CRTAP: variants seen among roughly 807,000 people sequenced by gnomAD.
CRTAP encodes cartilage-associated protein.
A neutral mutation model predicts 42.7 loss-of-function variants in CRTAP; 33 were observed. That is an observed-to-expected ratio of 0.77 (90% CI 0.59 to 1.03). CRTAP has a LOEUF of 1.03. CRTAP is among the 50% of genes least tolerant of loss of function. The pLI is 0.00. For missense variants in CRTAP, 613 were observed against 533.9 expected, an observed-to-expected ratio of 1.15 and a Z score of -1.46; for synonymous variants, 243 against 217.7, an observed-to-expected ratio of 1.12 and a Z score of -1.02.
At chr3:33,125,486 A>G (rs990043819) in intron 3 of CRTAP, among the ~76,000 whole-genome samples, 5 of 111,462 alleles carry the variant, frequency 4.5e-5, no homozygotes, top group Non-Finnish European at 9.2e-5. Flanking sequence ...CTTTCTACAA[A>G]GTAGGTTTTT....
At position 33,114,241 on chromosome 3, in the gene CRTAP, A is replaced by T; in HGVS notation, c.164A>T (p.Tyr55Phe). The change falls in exon 1 of 7, where the codon TAC (tyrosine) becomes TTC (phenylalanine). Residue 55 changes from tyrosine (Y) to phenylalanine (F), a missense_variant. By Grantham distance (22) the Tyr-to-Phe change is conservative. Transcript: ENST00000320954. ...ESAYRHALDK[Y>F]SGEHWAESVG... Reference sequence around the variant, plus strand: ...GCCTACCGGCACGCGCTGGACAAGTACAGCGGCGAGCACTGGGCCGAGAGC... The same window carrying T: ...GCCTACCGGCACGCGCTGGACAAGTTCAGCGGCGAGCACTGGGCCGAGAGC... 4 of 1,590,900 alleles carry T rather than the reference A, an allele frequency of 2.5e-6. No homozygotes were observed. Among genetic ancestry groups the T allele is most frequent in the Non-Finnish European group, 3.4e-6 (4 of 1,174,698 alleles).
At position 33,145,801 on chromosome 3, in the gene CRTAP, C is replaced by T. The variant is rs2030704420; in HGVS notation, c.*3353C>T. On this transcript the variant is annotated 3_prime_UTR_variant, in exon 7 of 7. Coordinates refer to ENST00000320954, the MANE Select transcript of CRTAP (RefSeq NM_006371.5). The surrounding 1 kb of genome is among the most constrained non-coding windows in gnomAD (Gnocchi z 4.3). Reference sequence around the variant, plus strand: ...GTGAGCCTGGGGTGAGCTCTCTGTACATGTTGTTGTTCCACGTATGGGTTG... The same window carrying T: ...GTGAGCCTGGGGTGAGCTCTCTGTATATGTTGTTGTTCCACGTATGGGTTG... 1 of 152,372 alleles carries T rather than the reference C, an allele frequency of 6.6e-6. No individual in the cohort carries two copies. Among genetic ancestry groups the T allele is most frequent in the African/African-American group, 2.4e-5 (1 of 41,378 alleles). 9.4% of individuals were successfully genotyped at this position (152,372 alleles called of 1,614,324 possible).
At chr3:33,124,274 C>A (rs982903930) in intron 2 of CRTAP, 134 bp from the exon 3 acceptor site, 3 of 941,082 alleles carry the variant, frequency 3.2e-6, no homozygotes, top group Non-Finnish European at 5.1e-6. Flanking sequence ...TGATTGACTT[C>A]TTCAAGGGCC....
At position 33,144,108 on chromosome 3, in the gene CRTAP, C is replaced by T. The variant is rs1287521822; in HGVS notation, c.*1660C>T. 6.6e-6 allele frequency: 1 copy of T among 152,244 alleles called. No homozygotes were observed. The highest frequency in any genetic ancestry group is 1.5e-5 in the Non-Finnish European group (1 of 68,068). 9.4% of individuals were successfully genotyped at this position (152,244 alleles called of 1,614,324 possible). A position where few individuals can be genotyped will look rare whatever the true frequency, so the allele number is the denominator to read the frequency against. On this transcript the variant is annotated 3_prime_UTR_variant, in exon 7 of 7. Transcript: ENST00000320954. ...TAGGAAGCTACTGCAAGGTTCCAGG[C>T]TTGGGCCTGGGCCACAGCAACAGCA...
Position 33,114,342 on chromosome 3 carries a change from A to G in CRTAP, c.265A>G (p.Ser89Gly). 3 of 1,528,676 alleles carry G rather than the reference A, an allele frequency of 2.0e-6. No homozygotes were observed. Among genetic ancestry groups the G allele is most frequent in the Non-Finnish European group, 2.6e-6 (3 of 1,144,680 alleles). 94.7% of individuals were successfully genotyped at this position (1,528,676 alleles called of 1,614,324 possible). Residue 89 changes from serine (S) to glycine (G), a missense_variant, in exon 1 of 7, where the codon AGC becomes GGC. Coordinates refer to ENST00000320954, the MANE Select transcript of CRTAP (RefSeq NM_006371.5). ...CGAGGCCTTCTGCCACCGCAACTGC[A>G]GCGCCGCGCCGCAGCCCGAGCCCGC... ...DSEAFCHRNCSAAPQPEPAAG... is the reference protein window; with the variant it reads ...DSEAFCHRNCGAAPQPEPAAG...
chr3:33,130,101 A>T lies in CRTAP; in HGVS notation c.922+34A>T, dbSNP rs1272394980. ...TCTTCTGTGACATCTTGGGTGAGGC[A>T]CTTAGTCCTTCTAAGACTGTAAAAT... On this transcript the variant is annotated intron_variant, in intron 4 of 6. Transcript: ENST00000320954. The T allele has an allele frequency of 3.1e-6, 5 of 1,603,084 alleles. No homozygotes were observed. In the African/African-American group the frequency reaches 6.7e-5, roughly 21 times the overall value.
intron 3 of CRTAP, among the ~76,000 whole-genome samples, chr3:33,129,016 G>A (rs2030160579): frequency 6.6e-6 from 1 of 152,168 alleles, no homozygotes; most frequent in South Asian, 2.1e-4. Context: ...CAAAGGCTGT[G>A]TAGATTCTGT....
At chr3:33,134,960 G>T (rs2030379767) in intron 6 of CRTAP, among the ~76,000 whole-genome samples, 1 of 152,168 alleles carries the variant, frequency 6.6e-6, no homozygotes. Context: ...AGTTTCCTGA[G>T]CCTCCAGGTC....
In CRTAP at chr3:33,114,158, A is replaced by G. The variant is rs1011859541; in HGVS notation, c.81A>G (p.Gln27=). 1.3e-5 allele frequency: 20 copies of G among 1,586,058 alleles called. No individual in the cohort carries two copies. The highest frequency in any genetic ancestry group is 1.7e-5 in the Non-Finnish European group (20 of 1,174,074). The change falls in exon 1 of 7, where the codon CAA becomes CAG. Residue 27 remains glutamine (Q), a synonymous_variant. Transcript: ENST00000320954. The part of the protein sequence containing the change: ...VACALRAGRA[Q]YERYSFRSFP... ...GCGCGCTGCGCGCCGGGCGCGCCCA[A>G]TACGAACGCTACAGCTTCCGCAGCT...
At chr3:33,141,132 C>T (rs2030559503) in intron 6 of CRTAP, among the ~76,000 whole-genome samples, 1 of 152,122 alleles carries the variant, frequency 6.6e-6, no homozygotes, top group Admixed American at 6.6e-5. Context: ...CTGAGTGAGG[C>T]CCCAACAGTA....
At chr3:33,141,446 C>A (rs761962797) in intron 6 of CRTAP, among the ~76,000 whole-genome samples, 2 of 152,128 alleles carry the variant, frequency 1.3e-5, no homozygotes, top group African/African-American at 2.4e-5. Flanking sequence ...ATACTAAGAC[C>A]CCCCATTTGT....
rs1018552430 is a variant in CRTAP at position 33,145,946 on chromosome 3, G to A, written c.*3498G>A. The A allele has an allele frequency of 6.6e-6, 1 of 151,984 alleles. No individual in the cohort carries two copies. The highest frequency in any genetic ancestry group is 6.6e-5 in the Admixed American group (1 of 15,244). The allele number at this position is 151,984 out of a possible 1,614,324, so 9.4% of individuals were successfully genotyped here. On this transcript the variant is annotated 3_prime_UTR_variant, in exon 7 of 7. Transcript: ENST00000320954. This position sits in a 1 kb window ranked among gnomAD's most constrained non-coding sequence, Gnocchi z 4.3. ...CCCTGAGGACCCGGGTGATAGTACA[G>A]TCAATATTGTCAGTACTTTGCTTTG...
At chr3:33,130,160 G>A in intron 4 of CRTAP, 93 bp downstream of exon 4, 1 of 1,307,202 alleles carries the variant, frequency 7.6e-7, no homozygotes, top group Non-Finnish European at 1.1e-6. Context: ...GTTGTTGAGA[G>A]TTCATCAAGG....
chr3:33,118,187 C>G (rs1254298465), intron 1 of CRTAP, among the ~76,000 whole-genome samples: 1 of 151,634 alleles, frequency 6.6e-6, no homozygotes, highest in Admixed American at 6.6e-5. Flanking sequence ...TCTTGGACTC[C>G]TGACCTCGTG....
chr3:33,114,106 C>G lies in CRTAP; in HGVS notation c.29C>G (p.Ala10Gly), dbSNP rs769955892. The G allele has an allele frequency of 3.4e-6, 5 of 1,479,768 alleles. No individual in the cohort carries two copies. Among genetic ancestry groups the G allele is most frequent in the South Asian group, 1.3e-5 (1 of 77,712 alleles). The allele number at this position is 1,479,768 out of a possible 1,614,324, so 91.7% of individuals were successfully genotyped here. The change falls in exon 1 of 7, where the codon GCG (alanine) becomes GGG (glycine). Residue 10 changes from alanine to glycine, a missense_variant. By Grantham distance (60) the Ala-to-Gly change is moderately conservative. Transcript: ENST00000320954. MEPGRRGAA[A>G]LLALLCVACA... ...GAGCCGGGGCGCCGGGGGGCCGCGG[C>G]GCTGCTAGCGCTGCTGTGCGTGGCC... is the stretch of plus-strand genomic sequence containing the variant.
Position 33,129,971 on chromosome 3 carries a change from C to T in CRTAP, c.826C>T (p.Gln276Ter), listed in dbSNP as rs72659361. 1.4e-5 allele frequency: 22 copies of T among 1,613,168 alleles called. No homozygotes were observed. In the African/African-American group the frequency reaches 2.3e-4, roughly 17 times the overall value. Reference sequence around the variant, plus strand: ...TGTAGAAGTTCTGGAATGCAAAATACAGTGTGAAGAGAACCTCACCCCAGT... The same window carrying T: ...TGTAGAAGTTCTGGAATGCAAAATATAGTGTGAAGAGAACCTCACCCCAGT... ...HYVEVLECKI[Q>*]CEENLTPVIG... Residue 276 changes from glutamine (Q) to a stop codon, truncating the protein, a stop_gained, in exon 4 of 7, where the codon CAG becomes TAG. Coordinates refer to ENST00000320954, the MANE Select transcript of CRTAP (RefSeq NM_006371.5). LOFTEE classifies it high-confidence loss of function.
chr3:33,134,392 T>A (rs2030362744), intron 6 of CRTAP, 127 bp downstream of exon 6: 1 of 726,538 alleles, frequency 1.4e-6, no homozygotes, highest in Non-Finnish European at 2.5e-6. Flanking sequence ...GAAAGACAGT[T>A]CCTGTGGGTG....
chr3:33,128,038 G>A (rs914050050), intron 3 of CRTAP, among the ~76,000 whole-genome samples: 5 of 152,260 alleles, frequency 3.3e-5, no homozygotes, highest in African/African-American at 4.8e-5. Context: ...TTGAGCCACC[G>A]CACCCAGCTC....
chr3:33,132,414 A>C, intron 4 of CRTAP, 141 bp from the exon 5 acceptor site: 1 of 1,198,646 alleles, frequency 8.3e-7, no homozygotes, highest in African/African-American at 1.5e-5. Flanking sequence ...CTGCCCACCC[A>C]GGGCTGCCAG....
Sources: allele counts gnomAD v4.1 joint callset (sites outside exome capture counted in the v4.1 genomes callset), GRCh38; gene constraint gnomAD v4.1.1; non-coding constraint Gnocchi (gnomAD v3.1); transcripts MANE v1.5; gene names NCBI Gene and HGNC (gene_info 2026-07-23, HGNC 2026-07-21).